The following MPPED2 variants were observed in gnomAD, a reference collection of about 807,000 sequenced individuals.
MPPED2 encodes the protein metallophosphoesterase MPPED2.
MPPED2 carries 5 observed loss-of-function variants against 33.0 expected under a neutral mutation model. The observed-to-expected ratio is 0.15, with a 90% CI of 0.08 to 0.32. The LOEUF (loss-of-function observed/expected upper bound fraction) is 0.32, where lower values mean the gene tolerates loss of function less well. Ranked by LOEUF, MPPED2 falls within the 10% of genes least tolerant of loss-of-function variation. The probability of loss-of-function intolerance (pLI) is 1.00; values close to 1 mark genes in which losing one functional copy is unlikely to be tolerated. For missense variants in MPPED2, 275 were observed against 372.1 expected (o/e 0.74, Z 2.15); for synonymous variants, 136 against 141.9 (o/e 0.96, Z 0.29).
At chr11:30,476,958 C>T (rs1473965749) in intron 4 of MPPED2, among the ~76,000 whole-genome samples, 1 of 151,878 alleles carries the variant, frequency 6.6e-6, no homozygotes, top group Non-Finnish European at 1.5e-5. Flanking sequence ...TATATTTGCT[C>T]CTAAATATTT....
At chr11:30,410,217 G>T (rs893897008), downstream of MPPED2, 3 of 985,666 alleles carry the variant, frequency 3.0e-6, no homozygotes, top group Non-Finnish European at 3.6e-6. Context: ...CCTCTAAACA[G>T]CACGAATTTA....
At chr11:30,509,029 A>G (rs1270311077) in intron 3 of MPPED2, among the ~76,000 whole-genome samples, 1 of 152,224 alleles carries the variant, frequency 6.6e-6, no homozygotes, top group Non-Finnish European at 1.5e-5. Flanking sequence ...TGATTAGCGA[A>G]GACCTCAATT....
At chr11:30,487,347 T>C (rs969293738) in intron 4 of MPPED2, among the ~76,000 whole-genome samples, 1 of 152,152 alleles carries the variant, frequency 6.6e-6, no homozygotes, top group African/African-American at 2.4e-5. Flanking sequence ...CTGCTGTCTC[T>C]CTCCACTGCA....
intron 6 of MPPED2, among the ~76,000 whole-genome samples, chr11:30,396,766 A>G (rs1590154229): frequency 6.6e-6 from 1 of 152,176 alleles, no homozygotes; most frequent in African/African-American, 2.4e-5. Flanking sequence ...TAGAATTCAT[A>G]AAGTGTAGAA....
At chr11:30,518,770 G>A (rs934233333) in intron 3 of MPPED2, among the ~76,000 whole-genome samples, 4 of 152,172 alleles carry the variant, frequency 2.6e-5, no homozygotes, top group African/African-American at 9.7e-5. Flanking sequence ...CGTATGCACA[G>A]GACTGTGAAG....
chr11:30,555,826 G>GA (rs1313454314), intron 2 of MPPED2, among the ~76,000 whole-genome samples: 1 of 152,026 alleles, frequency 6.6e-6, no homozygotes, highest in Admixed American at 6.6e-5. Flanking sequence ...ATGAACCAAT[G>GA]AAAAAAACAA....
chr11:30,533,654 G>A (rs10835683), intron 3 of MPPED2, among the ~76,000 whole-genome samples: 34,103 of 151,936 alleles, frequency 0.22, 4,204 homozygotes, highest in East Asian at 0.41. Context: ...CTGGGTAACA[G>A]TGAGCTATTC....
chr11:30,510,578 T>C (rs1215491959), intron 3 of MPPED2, among the ~76,000 whole-genome samples: 1 of 152,216 alleles, frequency 6.6e-6, no homozygotes, highest in Non-Finnish European at 1.5e-5. Flanking sequence ...TAGTATTTCA[T>C]TTCTACATGT....
chr11:30,431,639 T>C (rs1033775105), intron 4 of MPPED2, among the ~76,000 whole-genome samples: 28 of 152,326 alleles, frequency 1.8e-4, no homozygotes, highest in African/African-American at 6.7e-4. Flanking sequence ...TACATTCTAG[T>C]TGTATTGGGT....
chr11:30,536,402 A>G (rs932170006), intron 2 of MPPED2, among the ~76,000 whole-genome samples: 5 of 152,144 alleles, frequency 3.3e-5, no homozygotes, highest in Non-Finnish European at 5.9e-5. Context: ...TGGTAGGAAA[A>G]TTAAAAGGAA....
chr11:30,510,455 C>T (rs78986132), intron 3 of MPPED2, among the ~76,000 whole-genome samples: 2,240 of 152,280 alleles, frequency 0.015, 21 homozygotes, highest in South Asian at 0.037. Flanking sequence ...TTATCCTCAG[C>T]CAATACAGCA....
rs1055343608 is a variant in MPPED2 at position 30,485,998 on chromosome 11, C to A, written c.536+9298G>T. ...TCAGAAGGGGCGGAAGGATGTCCTG[C>A]GGCTCTGCAGATGTGGTGCTGGCAA... On this transcript the variant is annotated intron_variant, in intron 4 of 6. Transcript: ENST00000358117. 2.0e-5 allele frequency among the ~76,000 whole-genome samples: 3 copies of A among 152,182 alleles called. No homozygotes were observed. In the South Asian group the frequency reaches 6.2e-4, roughly 32 times the overall value.
At chr11:30,444,921 G>C (rs1010484516) in intron 4 of MPPED2, among the ~76,000 whole-genome samples, 1 of 152,104 alleles carries the variant, frequency 6.6e-6, no homozygotes, top group Non-Finnish European at 1.5e-5. Flanking sequence ...GGGATTTCTG[G>C]GAGTCAATGA....
At chr11:30,391,807 C>T (rs1190500195) in intron 6 of MPPED2, among the ~76,000 whole-genome samples, 1 of 152,070 alleles carries the variant, frequency 6.6e-6, no homozygotes, top group Non-Finnish European at 1.5e-5. Context: ...TCAACCTCCC[C>T]AGTTACCTTC....
intron 2 of MPPED2, among the ~76,000 whole-genome samples, chr11:30,550,901 C>A (rs544167004): frequency 6.6e-6 from 1 of 152,178 alleles, no homozygotes; most frequent in Non-Finnish European, 1.5e-5. Flanking sequence ...TGTTTAAGTC[C>A]CAGTTAGGAC....
chr11:30,405,997 A>G (rs181375926), downstream of MPPED2, among the ~76,000 whole-genome samples: 3 of 152,192 alleles, frequency 2.0e-5, no homozygotes, highest in East Asian at 5.8e-4. Context: ...CAGCTTCCAG[A>G]CCTGACATAC....
intron 3 of MPPED2, among the ~76,000 whole-genome samples, chr11:30,512,161 T>C (rs547107): frequency 0.79 from 120,160 of 152,098 alleles, 48,118 homozygotes; most frequent in African/African-American, 0.93. Context: ...ATTGGGCTTC[T>C]AGAAGTCCTG....
exon 7 of MPPED2, chr11:30,385,136 G>A (rs555899685): frequency 6.6e-6 from 1 of 152,280 alleles, no homozygotes; most frequent in East Asian, 1.9e-4. Flanking sequence ...TGTGTGTAAG[G>A]GACAGGAACT....
At chr11:30,505,707 G>C (rs753808754) in intron 3 of MPPED2, among the ~76,000 whole-genome samples, 5 of 152,176 alleles carry the variant, frequency 3.3e-5, no homozygotes, top group Non-Finnish European at 7.3e-5. Flanking sequence ...ATAATCACAA[G>C]AAAAATTGGT....
Sources: gnomAD v4.1 joint callset for allele counts (sites outside exome capture counted in the v4.1 genomes callset) on GRCh38, gnomAD v4.1.1 for gene constraint, MANE v1.5 for transcripts, NCBI Gene and HGNC (gene_info 2026-07-23, HGNC 2026-07-21) for gene names.